Variants in PEMT observed in about 807,000 individuals in gnomAD.
The protein encoded by PEMT is phosphatidylethanolamine N-methyltransferase, also known as phospholipid methyltransferase.
Under a neutral mutation model 27.4 loss-of-function variants are expected in PEMT, and 23 were observed. That is an observed-to-expected ratio of 0.84 (90% CI 0.60 to 1.19). PEMT has a LOEUF of 1.19. PEMT is among the 50% of genes most tolerant of loss of function. PEMT has a pLI of 0.00. For synonymous variants in PEMT, 137 were observed against 139.1 expected (o/e 0.98, Z 0.11); for missense variants, 307 against 310.1 (o/e 0.99, Z 0.07).
At chr17:17,576,461 T>C (rs1291573491) in intron 2 of PEMT, among the ~76,000 whole-genome samples, 1 of 152,140 alleles carries the variant, frequency 6.6e-6, no homozygotes, top group Non-Finnish European at 1.5e-5. Context: ...GGAAGCCTCA[T>C]GTGGGAAAAA....
At chr17:17,543,641 C>A (rs1352498083) in intron 2 of PEMT, among the ~76,000 whole-genome samples, 1 of 152,170 alleles carries the variant, frequency 6.6e-6, no homozygotes, top group Non-Finnish European at 1.5e-5. Flanking sequence ...CGGCTCACTG[C>A]AAACTTCGCC....
chr17:17,535,382 G>A (rs559823137), intron 2 of PEMT, among the ~76,000 whole-genome samples: 12 of 151,834 alleles, frequency 7.9e-5, no homozygotes, highest in East Asian at 1.9e-4. Context: ...CCTGGCCAAC[G>A]TGGCGAAACC....
At chr17:17,574,099 G>A (rs1441851464) in intron 2 of PEMT, among the ~76,000 whole-genome samples, 1 of 151,864 alleles carries the variant, frequency 6.6e-6, no homozygotes, top group Non-Finnish European at 1.5e-5. Flanking sequence ...ACTCTCCCCG[G>A]CAGCAGCCCA....
rs1907405254 is a variant in PEMT, at chr17:17,523,075, T to A, written c.205-680A>T. On this transcript the variant is annotated intron_variant, in intron 2 of 6. Coordinates refer to ENST00000255389, the MANE Select transcript of PEMT (RefSeq NM_148172.3). The surrounding 1 kb of genome is among the most constrained non-coding windows in gnomAD (Gnocchi z 4.8). ...TGGAGAGAAGGGAGCTCTTCCTGCC[T>A]GCCTGCTGTTTCCACAGTCCTGAGC... 6.6e-6 allele frequency among the ~76,000 whole-genome samples: 1 copy of A among 152,238 alleles called. No homozygotes were observed. Among genetic ancestry groups the A allele is most frequent in the African/African-American group, 2.4e-5 (1 of 41,458 alleles).
chr17:17,557,942 C>A (rs1304011172), intron 2 of PEMT, among the ~76,000 whole-genome samples: 1 of 152,198 alleles, frequency 6.6e-6, no homozygotes, highest in African/African-American at 2.4e-5. Flanking sequence ...AGGGACAGAA[C>A]CATGCTTGGC....
intron 2 of PEMT, among the ~76,000 whole-genome samples, chr17:17,562,976 G>A (rs952812671): frequency 2.6e-5 from 4 of 152,122 alleles, no homozygotes; most frequent in African/African-American, 7.2e-5. Context: ...CCTCGCAGAC[G>A]CTCCCTTTTC....
intron 2 of PEMT, among the ~76,000 whole-genome samples, chr17:17,575,800 C>T (rs1911546723): frequency 6.6e-6 from 1 of 152,322 alleles, no homozygotes; most frequent in Admixed American, 6.5e-5. Flanking sequence ...GTGTGTCCAG[C>T]ATGTTCAGGA....
chr17:17,546,463 C>G (rs569340576), intron 2 of PEMT, among the ~76,000 whole-genome samples: 1 of 152,212 alleles, frequency 6.6e-6, no homozygotes, highest in Non-Finnish European at 1.5e-5. Flanking sequence ...TGGTGCCAGG[C>G]TGGTGGGGGG....
chr17:17,542,673 A>G (rs1567703012), intron 2 of PEMT, among the ~76,000 whole-genome samples: 1 of 152,176 alleles, frequency 6.6e-6, no homozygotes, highest in Non-Finnish European at 1.5e-5. Flanking sequence ...GTGTTTCTAG[A>G]ATCTTTCAGT....
At chr17:17,529,395 G>A (rs1907931821) in intron 2 of PEMT, among the ~76,000 whole-genome samples, 1 of 152,206 alleles carries the variant, frequency 6.6e-6, no homozygotes, top group African/African-American at 2.4e-5. Flanking sequence ...CACAGCACAT[G>A]GCTCAACTGC....
intron 2 of PEMT, among the ~76,000 whole-genome samples, chr17:17,539,774 G>A (rs934709851): frequency 1.4e-4 from 22 of 152,230 alleles, no homozygotes; most frequent in Non-Finnish European, 4.4e-5. Context: ...CAGCTGAGAA[G>A]TATCAAGGCA....
chr17:17,534,804 C>T (rs112244104), intron 2 of PEMT, among the ~76,000 whole-genome samples: 20,143 of 152,208 alleles, frequency 0.13, 2,388 homozygotes, highest in African/African-American at 0.32. Flanking sequence ...GCCTGGGCGA[C>T]AGAGCAAGAC....
intron 2 of PEMT, among the ~76,000 whole-genome samples, chr17:17,533,092 A>G (rs1327822326): frequency 6.6e-6 from 1 of 152,226 alleles, no homozygotes; most frequent in Non-Finnish European, 1.5e-5. Flanking sequence ...AACTTACCAC[A>G]ATGCAACAGT....
At chr17:17,572,351 T>C (rs192743275) in intron 2 of PEMT, among the ~76,000 whole-genome samples, 1 of 152,144 alleles carries the variant, frequency 6.6e-6, no homozygotes, top group Non-Finnish European at 1.5e-5. Context: ...GGAATGTCTC[T>C]CCCCATGGCC....
intron 2 of PEMT, among the ~76,000 whole-genome samples, chr17:17,574,263 A>AC (rs1262520822): frequency 2.7e-5 from 4 of 145,944 alleles, no homozygotes; most frequent in African/African-American, 9.9e-5. Context: ...AAAAAAAAAA[A>AC]AACCGTATGC....
At chr17:17,591,286 G>C (rs1259044276) in intron 1 of PEMT, 1 of 531,808 alleles carries the variant, frequency 1.9e-6, no homozygotes, top group African/African-American at 2.0e-5. Flanking sequence ...ACAATCAGAC[G>C]AGCTCAGGAA....
At chr17:17,588,288 A>G (rs1249344742) in intron 1 of PEMT, among the ~76,000 whole-genome samples, 1 of 152,196 alleles carries the variant, frequency 6.6e-6, no homozygotes, top group Non-Finnish European at 1.5e-5. Context: ...ATACAATCAA[A>G]AGATTTTTGG....
intron 2 of PEMT, among the ~76,000 whole-genome samples, chr17:17,553,746 G>A (rs139881485): frequency 9.2e-4 from 140 of 152,330 alleles, no homozygotes; most frequent in African/African-American, 3.0e-3. Context: ...GTGGCCAGAC[G>A]GTCCCTTCCA....
chr17:17,570,581 G>GT, intron 2 of PEMT: 1 of 985,450 alleles, frequency 1.0e-6, no homozygotes, highest in Non-Finnish European at 1.2e-6. Context: ...CCAAGCTGCG[G>GT]TAACAAAGGT....
Sources: allele counts gnomAD v4.1 joint callset (sites outside exome capture counted in the v4.1 genomes callset), GRCh38; gene constraint gnomAD v4.1.1; non-coding constraint Gnocchi (gnomAD v3.1); transcripts MANE v1.5; gene names NCBI Gene and HGNC (gene_info 2026-07-23, HGNC 2026-07-21).